Variants in PCDHGA5 observed in about 807,000 individuals in gnomAD.
PCDHGA5 encodes protocadherin gamma-A5.
Under a neutral mutation model 56.7 loss-of-function variants are expected in PCDHGA5, and 36 were observed. That is an observed-to-expected ratio of 0.64 (90% CI 0.49 to 0.84). The LOEUF is 0.84. Ranked by LOEUF, PCDHGA5 falls within the 40% of genes least tolerant of loss-of-function variation. PCDHGA5 has a pLI of 0.00. For missense variants in PCDHGA5, 1,305 were observed against 1,201.5 expected (o/e 1.09, Z -1.27); for synonymous variants, 563 against 520.2 (o/e 1.08, Z -1.12).
chr5:141,372,219 G>C, intron 1 of PCDHGA5: 5 of 1,613,542 alleles, frequency 3.1e-6, no homozygotes, highest in Non-Finnish European at 4.2e-6. Flanking sequence ...CTACCACATT[G>C]TGCAGGCCAG....
At chr5:141,478,231 T>C (rs1423148) in intron 1 of PCDHGA5, 739,438 of 1,613,786 alleles carry the variant, frequency 0.46, 177,434 homozygotes, top group African/African-American at 0.83. Flanking sequence ...CTGTGGGGTT[T>C]GTGGTCACAG....
intron 1 of PCDHGA5, among the ~76,000 whole-genome samples, chr5:141,450,047 C>T (rs2098667027): frequency 2.2e-5 from 3 of 136,836 alleles, no homozygotes; most frequent in African/African-American, 8.5e-5. Flanking sequence ...CACTCTTTCG[C>T]CCAGGCTGGA....
At position 141,432,374 on chromosome 5, in the gene PCDHGA5, C is replaced by G; in HGVS notation, c.2422-62433C>G. The G allele has an allele frequency of 6.2e-7, 1 of 1,614,240 alleles. No individual in the cohort carries two copies. The highest frequency in any genetic ancestry group is 1.1e-5 in the South Asian group (1 of 91,082). ...GAAAGTGATGGCGCGGGACAACGGG[C>G]ACCCGCCCCTCAGCAGCAACGTGTC... On this transcript the variant is annotated intron_variant, in intron 1 of 3. Transcript: ENST00000518069. The surrounding 1 kb of genome is among the most constrained non-coding windows in gnomAD (Gnocchi z 6.0).
intron 2 of PCDHGA5, among the ~76,000 whole-genome samples, chr5:141,496,753 A>G (rs2099771084): frequency 6.6e-6 from 1 of 152,166 alleles, no homozygotes; most frequent in Admixed American, 6.5e-5. Flanking sequence ...TTCAACAAAT[A>G]TTTATCGAGC....
At chr5:141,508,242 GC>G (rs1344624071) in intron 3 of PCDHGA5, 1 of 152,310 alleles carries the variant, frequency 6.6e-6, no homozygotes, top group African/African-American at 2.4e-5. Context: ...TCCTAAGTCT[GC>G]CTCTCCTGGG....
chr5:141,370,460 C>T (rs373931690), intron 1 of PCDHGA5: 1 of 1,612,562 alleles, frequency 6.2e-7, no homozygotes, highest in Non-Finnish European at 8.5e-7. Context: ...TCTTCCTGCT[C>T]TCTTTGTTAG....
chr5:141,493,250 C>T lies in PCDHGA5; in HGVS notation c.2422-1557C>T, dbSNP rs1330348553. On this transcript the variant is annotated intron_variant, in intron 1 of 3. Coordinates refer to ENST00000518069, the MANE Select transcript of PCDHGA5 (RefSeq NM_018918.3). The surrounding 1 kb of genome is among the most constrained non-coding windows in gnomAD (Gnocchi z 4.3). ...TGCTGTTGGCTAGGTACTAACATGC[C>T]TCTCTTATAACAGCTTCACAGAGGT... Among the ~76,000 whole-genome samples the T allele has an allele frequency of 1.3e-5, 2 of 152,154 alleles. No homozygotes were observed. Among genetic ancestry groups the T allele is most frequent in the Non-Finnish European group, 2.9e-5 (2 of 68,024 alleles).
intron 1 of PCDHGA5, chr5:141,412,017 A>C (rs914087284): frequency 1.4e-5 from 2 of 146,532 alleles, no homozygotes; most frequent in African/African-American, 5.3e-5. Context: ...ACTTCTGAAC[A>C]TCCTGTTCTC....
At chr5:141,443,481 G>C (rs1025329476) in intron 1 of PCDHGA5, among the ~76,000 whole-genome samples, 3 of 152,114 alleles carry the variant, frequency 2.0e-5, no homozygotes, top group African/African-American at 7.2e-5. Context: ...ATTAGACCCT[G>C]TCCCAAAACA....
chr5:141,383,036 G>A, intron 1 of PCDHGA5: 1 of 1,613,876 alleles, frequency 6.2e-7, no homozygotes, highest in Non-Finnish European at 8.5e-7. Flanking sequence ...TCCTTTGTGG[G>A]AGACATCGCC....
In PCDHGA5 at chr5:141,511,259, A is replaced by G; in HGVS notation, c.*86A>G. On this transcript the variant is annotated 3_prime_UTR_variant, in exon 4 of 4. Transcript: ENST00000518069. ...ACCTGCACCCAGGCCTCAGAGTTTCAGGGCTAACCCCCAGAATACTGGTAG... is the reference window on the plus strand; with the variant it reads ...ACCTGCACCCAGGCCTCAGAGTTTCGGGGCTAACCCCCAGAATACTGGTAG... 1.3e-6 allele frequency: 2 copies of G among 1,559,840 alleles called. No individual in the cohort carries two copies. The highest frequency in any genetic ancestry group is 1.7e-6 in the Non-Finnish European group (2 of 1,152,466).
chr5:141,492,230 C>T (rs1286145654), intron 1 of PCDHGA5, among the ~76,000 whole-genome samples: 1 of 152,196 alleles, frequency 6.6e-6, no homozygotes. Flanking sequence ...CGTGTCCTCC[C>T]TGCTGGCCAC....
At chr5:141,473,750 G>C (rs777343462) in intron 1 of PCDHGA5, among the ~76,000 whole-genome samples, 1 of 152,192 alleles carries the variant, frequency 6.6e-6, no homozygotes, top group Non-Finnish European at 1.5e-5. Context: ...TGAGAACTTG[G>C]ATACTATGCA....
In PCDHGA5 at chr5:141,477,101, G is replaced by A. The variant is rs770640663; in HGVS notation, c.2422-17706G>A. On this transcript the variant is annotated intron_variant, in intron 1 of 3. Transcript: ENST00000518069. The surrounding 1 kb of genome is among the most constrained non-coding windows in gnomAD (Gnocchi z 4.9). ...TTACATCCAGGCCAAAGACAAGGGC[G>A]CCAATCCCGAAGGAGCACATTGCAA... 2 of 1,614,262 alleles carry A rather than the reference G, an allele frequency of 1.2e-6. No individual in the cohort carries two copies. Among genetic ancestry groups the A allele is most frequent in the East Asian group, 2.2e-5 (1 of 44,884 alleles).
chr5:141,447,854 G>A (rs1480134238), intron 1 of PCDHGA5, among the ~76,000 whole-genome samples: 1 of 152,200 alleles, frequency 6.6e-6, no homozygotes, highest in Non-Finnish European at 1.5e-5. Flanking sequence ...GGGAGGCCGA[G>A]GTGGGTGAAT....
intron 1 of PCDHGA5, chr5:141,371,210 C>T: frequency 6.2e-7 from 1 of 1,614,010 alleles, no homozygotes; most frequent in Non-Finnish European, 8.5e-7. Flanking sequence ...TGGATGAGGG[C>T]ATCAATGCCG....
Position 141,365,603 on chromosome 5 carries a change from A to C in PCDHGA5, c.1273A>C (p.Met425Leu), listed in dbSNP as rs1198770505. ...TSDYNITLTV[M>L]DHGTPPLSTE... ...AGATTATAATATCACTTTAACCGTC[A>C]TGGACCATGGAACCCCGCCCCTCTC... Residue 425 changes from methionine to leucine, a missense_variant, in exon 1 of 4, where the codon ATG (methionine) becomes CTG (leucine). Physicochemically the swap from Met to Leu is conservative, Grantham distance 15 (BLOSUM62 2). Coordinates refer to ENST00000518069, the MANE Select transcript of PCDHGA5 (RefSeq NM_018918.3). 1.2e-6 allele frequency: 2 copies of C among 1,613,602 alleles called. No individual in the cohort carries two copies. Among genetic ancestry groups the C allele is most frequent in the Non-Finnish European group, 1.7e-6 (2 of 1,179,896 alleles).
intron 1 of PCDHGA5, chr5:141,416,335 C>A (rs573998059): frequency 6.6e-6 from 1 of 152,256 alleles, no homozygotes; most frequent in Non-Finnish European, 1.5e-5. Flanking sequence ...ACTTTCATTG[C>A]TCAATAGGGA....
At chr5:141,480,703 C>G (rs577131684) in intron 1 of PCDHGA5, among the ~76,000 whole-genome samples, 1 of 152,134 alleles carries the variant, frequency 6.6e-6, no homozygotes, top group African/African-American at 2.4e-5. Context: ...GGCCACACCC[C>G]GACAAATGAA....
Sources: allele counts gnomAD v4.1 joint callset (sites outside exome capture counted in the v4.1 genomes callset), GRCh38; gene constraint gnomAD v4.1.1; non-coding constraint Gnocchi (gnomAD v3.1); transcripts MANE v1.5; gene names NCBI Gene and HGNC (gene_info 2026-07-23, HGNC 2026-07-21).